Variants in USH2A observed in about 807,000 individuals in gnomAD.
USH2A encodes the protein usherin, also known as Usher syndrome 2A (autosomal recessive, mild).
Under a neutral mutation model 538.9 loss-of-function variants are expected in USH2A, and 443 were observed. The ratio of observed to expected loss-of-function variants is 0.82; its 90% CI spans 0.76 to 0.89. The LOEUF (loss-of-function observed/expected upper bound fraction) is 0.89. Ranked by LOEUF, USH2A falls within the 40% of genes least tolerant of loss-of-function variation. The pLI, the probability that USH2A is intolerant of heterozygous loss-of-function variation, is 0.00. For synonymous variants in USH2A, 2,413 were observed against 2,273.5 expected (o/e 1.06, Z -1.75); for missense variants, 6,633 against 6,324.8 (o/e 1.05, Z -1.65).
chr1:215,709,645 T>TAAAAAAAAAAAAAAAAAAAAAAAAAA (rs5780846), intron 61 of USH2A, among the ~76,000 whole-genome samples: 1 of 127,036 alleles, frequency 7.9e-6, no homozygotes, highest in African/African-American at 3.0e-5. Flanking sequence ...AGATAATTTG[T>TAAAAAAAAAAAAAAAAAAAAAAAAAA]AAAAAAAAAA....
intron 70 of USH2A, among the ~76,000 whole-genome samples, chr1:215,631,245 T>G (rs746655737): frequency 6.4e-4 from 98 of 152,146 alleles, no homozygotes; most frequent in South Asian, 1.7e-3. Context: ...TGTGTGTGTG[T>G]GTGGGTGGGT....
In USH2A at chr1:216,145,925, G is replaced by A. The variant is rs369347998; in HGVS notation, c.4627+29327C>T. 7.1e-3 allele frequency among the ~76,000 whole-genome samples: 1,074 copies of A among 151,134 alleles called. 8 individuals are homozygous for A. Among genetic ancestry groups the A allele is most frequent in the South Asian group, 0.024 (117 of 4,792 alleles). On this transcript the variant is annotated intron_variant, in intron 21 of 71. Transcript: ENST00000307340. ...TTTACCTACCCAAATCCTATAAAAC[G>A]GCCCCACCCTTATCTCCCTTCGCTG...
intron 61 of USH2A, among the ~76,000 whole-genome samples, chr1:215,709,662 A>C (rs930257305): frequency 6.6e-6 from 1 of 151,800 alleles, no homozygotes; most frequent in Non-Finnish European, 1.5e-5. Context: ...AAAAAAAAAA[A>C]AAAAAAAACT....
chr1:216,158,190 T>C (rs927895555), intron 21 of USH2A, among the ~76,000 whole-genome samples: 13 of 152,202 alleles, frequency 8.5e-5, no homozygotes, highest in Non-Finnish European at 1.3e-4. Context: ...ATAAAGTTGC[T>C]ATGAACAACT....
chr1:216,328,730 T>A (rs1020004898), intron 4 of USH2A, among the ~76,000 whole-genome samples: 1 of 151,980 alleles, frequency 6.6e-6, no homozygotes, highest in African/African-American at 2.4e-5. Flanking sequence ...CACGAAGTAG[T>A]CTGAGATAGT....
At position 215,878,866 on chromosome 1, in the gene USH2A, G is replaced by T. The variant is rs894122981; in HGVS notation, c.8456C>A (p.Thr2819Asn). The change falls in exon 42 of 72, where the codon ACC becomes AAC. Residue 2819 changes from threonine (T) to asparagine (N), a missense_variant. By Grantham distance (65) the Thr-to-Asn change is moderately conservative (BLOSUM62 0). Transcript: ENST00000307340. ...SLPTYVTTHP[T>N]VPQNVGPLSV... ...CAATGGGCCAACATTCTGAGGTACG[G>T]TGGGGTGAGTGGTAACATAGGTAGG... is the stretch of plus-strand genomic sequence containing the variant. 1.9e-6 allele frequency: 3 copies of T among 1,613,922 alleles called. No homozygotes were observed. The African/African-American group carries it at 4.0e-5, about 22-fold the overall frequency.
At chr1:216,033,218 T>C (rs1248936392) in intron 32 of USH2A, among the ~76,000 whole-genome samples, 1 of 152,226 alleles carries the variant, frequency 6.6e-6, no homozygotes, top group Non-Finnish European at 1.5e-5. Context: ...CCAAACTTTG[T>C]ATGCACTCAA....
intron 32 of USH2A, among the ~76,000 whole-genome samples, chr1:216,030,169 A>C (rs1018462741): frequency 1.9e-4 from 27 of 142,884 alleles, no homozygotes; most frequent in Non-Finnish European, 3.0e-4. Flanking sequence ...AGATATACAT[A>C]ACAGATATAT....
chr1:216,361,862 CA>C (rs1401531527), intron 4 of USH2A, among the ~76,000 whole-genome samples: 3 of 152,088 alleles, frequency 2.0e-5, no homozygotes, highest in African/African-American at 7.2e-5. Context: ...TAGTGCTAAG[CA>C]AAAAGAACAC....
intron 3 of USH2A, among the ~76,000 whole-genome samples, chr1:216,381,972 G>A (rs1298897823): frequency 6.6e-5 from 10 of 152,148 alleles, no homozygotes; most frequent in Non-Finnish European, 1.5e-4. Flanking sequence ...GCAGACCTGG[G>A]CAATTCAATT....
chr1:216,308,952 G>T (rs942443581), intron 9 of USH2A, among the ~76,000 whole-genome samples: 7 of 152,120 alleles, frequency 4.6e-5, no homozygotes, highest in South Asian at 2.1e-4. Flanking sequence ...CAGCATGAGG[G>T]CAAAGGAAAA....
rs982902964 is a variant in USH2A at position 216,078,899 on chromosome 1, T to C, written c.5299-537A>G. On this transcript the variant is annotated intron_variant, in intron 26 of 71. Transcript: ENST00000307340. ...ATTTTGATTCAATATTTCGGTTTTATTCTAAATCTTTAACTAACATAATTG... is the reference window on the plus strand; with the variant it reads ...ATTTTGATTCAATATTTCGGTTTTACTCTAAATCTTTAACTAACATAATTG... Among the ~76,000 whole-genome samples the C allele has an allele frequency of 1.1e-4, 17 of 152,290 alleles. No individual in the cohort carries two copies. In the East Asian group the frequency reaches 3.3e-3, roughly 29 times the overall value.
At chr1:215,758,791 G>T in intron 57 of USH2A, 39 bp from the exon 58 acceptor site, 3 of 1,598,026 alleles carry the variant, frequency 1.9e-6, no homozygotes, top group Non-Finnish European at 2.6e-6. Flanking sequence ...GTAAGGCCAT[G>T]CACAAGAGAC....
intron 58 of USH2A, among the ~76,000 whole-genome samples, chr1:215,756,716 G>A (rs917322472): frequency 2.0e-5 from 3 of 152,052 alleles, no homozygotes; most frequent in Admixed American, 2.0e-4. Flanking sequence ...ATGAAGTCAG[G>A]AGTTCGAGAC....
intron 21 of USH2A, among the ~76,000 whole-genome samples, chr1:216,153,868 A>C (rs540024314): frequency 6.6e-6 from 1 of 152,314 alleles, no homozygotes; most frequent in African/African-American, 2.4e-5. Context: ...GCCTCCACTC[A>C]ACACATTTTA....
intron 55 of USH2A, 55 bp downstream of exon 55, chr1:215,779,788 C>T (rs1049528211): frequency 1.2e-6 from 2 of 1,602,130 alleles, no homozygotes; most frequent in African/African-American, 2.7e-5. Flanking sequence ...CTTTGCCCCC[C>T]TAACCACAAT....
At chr1:216,112,888 C>T (rs2032909976) in intron 21 of USH2A, among the ~76,000 whole-genome samples, 1 of 151,852 alleles carries the variant, frequency 6.6e-6, no homozygotes, top group Admixed American at 6.6e-5. Flanking sequence ...TATGTCTTTG[C>T]TATTGTAAAT....
intron 27 of USH2A, among the ~76,000 whole-genome samples, chr1:216,075,544 C>T (rs2031716722): frequency 6.6e-6 from 1 of 152,160 alleles, no homozygotes; most frequent in African/African-American, 2.4e-5. Flanking sequence ...ATCAGAAAAA[C>T]ATTAGCCCTT....
chr1:216,228,764 G>A (rs11811849), intron 14 of USH2A, among the ~76,000 whole-genome samples: 4,343 of 152,172 alleles, frequency 0.029, 199 homozygotes, highest in African/African-American at 0.099. Context: ...AGAAAAGTGC[G>A]ACCATTTCCA....
Sources: allele counts gnomAD v4.1 joint callset (sites outside exome capture counted in the v4.1 genomes callset), GRCh38; gene constraint gnomAD v4.1.1; transcripts MANE v1.5; gene names NCBI Gene and HGNC (gene_info 2026-07-23, HGNC 2026-07-21).